Variants in PHLDB2 observed in about 807,000 individuals in gnomAD.
The protein encoded by PHLDB2 is pleckstrin homology-like domain family B member 2.
Under a neutral mutation model 123.6 loss-of-function variants are expected in PHLDB2, and 71 were observed. That is an observed-to-expected ratio of 0.57 (90% CI 0.47 to 0.70). The LOEUF is 0.70. PHLDB2 is among the 30% of genes least tolerant of loss of function. The pLI is 0.00. For synonymous variants in PHLDB2, 547 were observed against 541.6 expected (o/e 1.01, Z -0.14); for missense variants, 1,446 against 1,519.5 (o/e 0.95, Z 0.80).
rs145347675 is a variant in PHLDB2, at chr3:111,970,850, T to C, written c.3535+941T>C. Among the ~76,000 whole-genome samples, 131 of 152,340 alleles carry C rather than the reference T, an allele frequency of 8.6e-4. 1 individual carries two copies. The East Asian group carries it at 0.024, about 28-fold the overall frequency. ...TAAAATGTATCGATGCAATAAAATA[T>C]AAATAACAGTCTAGTCATTTAATCA... On this transcript the variant is annotated intron_variant, in intron 16 of 17. Coordinates refer to ENST00000431670, the MANE Select transcript of PHLDB2 (RefSeq NM_001134438.2).
intron 2 of PHLDB2, among the ~76,000 whole-genome samples, chr3:111,902,775 A>C (rs1486519864): frequency 6.6e-6 from 1 of 152,124 alleles, no homozygotes; most frequent in Non-Finnish European, 1.5e-5. Context: ...AGTAGCTGGG[A>C]CTACAGGCGT....
rs917670036 is a variant in PHLDB2 at position 111,945,207 on chromosome 3, C to T, written c.2398-61C>T. 17 of 1,104,868 alleles carry T rather than the reference C, an allele frequency of 1.5e-5. No homozygotes were observed. In the African/African-American group the frequency reaches 2.5e-4, roughly 16 times the overall value. The allele number at this position is 1,104,868 out of a possible 1,614,324, so 68.4% of individuals were successfully genotyped here. A position where few individuals can be genotyped will look rare whatever the true frequency, so the allele number is the denominator to read the frequency against. On this transcript the variant is annotated intron_variant, in intron 8 of 17. Transcript: ENST00000431670. ...ATGTTAGTCTCTAATGCAAAGTCAC[C>T]ATGCTTCTCAGTTGCATCGAAGGTT...
intron 3 of PHLDB2, chr3:111,916,841 G>C (rs2068208753): frequency 6.6e-6 from 1 of 152,032 alleles, no homozygotes; most frequent in Non-Finnish European, 1.5e-5. Flanking sequence ...TTCCTGTGTG[G>C]ATCAAGTTTC....
rs1553726801 is a variant in PHLDB2 at position 111,780,399 on chromosome 3, A to AGAAGAAGGAG, written c.-49+47703_-49+47704insGAGGAAGAAG. On this transcript the variant is annotated intron_variant, in intron 1 of 17. Coordinates refer to the PHLDB2 transcript ENST00000393923. ...AAGAAGAAGAAGAAGAAGAAGAAGAAGAAGAAGAAGAAAAAGATTAGTTCG... is the reference window on the plus strand; with the variant it reads ...AAGAAGAAGAAGAAGAAGAAGAAGAAGAAGAAGGAGGAAGAAGAAGAAAAAGATTAGTTCG... Among the ~76,000 whole-genome samples, 87 of 74,448 alleles carry AGAAGAAGGAG rather than the reference A, an allele frequency of 1.2e-3. 19 individuals carry two copies. Among genetic ancestry groups the AGAAGAAGGAG allele is most frequent in the South Asian group, 3.0e-3 (6 of 1,986 alleles). The allele number at this position is 74,448 out of a possible 152,430, so 48.8% of individuals were successfully genotyped here. A position where few individuals can be genotyped will look rare whatever the true frequency, so the allele number is the denominator to read the frequency against.
At chr3:111,768,730 T>C (rs2060124827) in intron 1 of PHLDB2, among the ~76,000 whole-genome samples, 1 of 152,176 alleles carries the variant, frequency 6.6e-6, no homozygotes, top group African/African-American at 2.4e-5. Flanking sequence ...TTTAAATGTC[T>C]TCCTGTGTAA....
rs549213055 is a variant in PHLDB2, at chr3:111,846,352, C to T, written c.67+417C>T. The stretch of plus-strand genomic sequence containing the variant: ...TCTGAGGAGGGAGGAGGCTCCAATA[C>T]GACTACTCCCAATTCACAGGGTTTG... On this transcript the variant is annotated intron_variant, in intron 2 of 17. Transcript: ENST00000393923. 100 of 166,584 alleles carry T rather than the reference C, an allele frequency of 6.0e-4. 1 individual carries two copies. The highest frequency in any genetic ancestry group is 2.1e-3 in the African/African-American group (89 of 42,296). The allele number at this position is 166,584 out of a possible 1,614,324, so 10.3% of individuals were successfully genotyped here. A position where few individuals can be genotyped will look rare whatever the true frequency, so the allele number is the denominator to read the frequency against.
At chr3:111,912,831 A>G (rs537015102) in intron 2 of PHLDB2, among the ~76,000 whole-genome samples, 1 of 152,318 alleles carries the variant, frequency 6.6e-6, no homozygotes, top group East Asian at 1.9e-4. Flanking sequence ...AAAAAAATGA[A>G]TTTGGTGCAA....
chr3:111,829,771 T>C (rs2108463775), intron 1 of PHLDB2, among the ~76,000 whole-genome samples: 1 of 152,276 alleles, frequency 6.6e-6, no homozygotes, highest in East Asian at 1.9e-4. Context: ...CAACATCTGA[T>C]ATTTCTAAGA....
upstream of PHLDB2, among the ~76,000 whole-genome samples, chr3:111,855,703 C>A (rs2064465442): frequency 7.7e-6 from 1 of 129,252 alleles, no homozygotes; most frequent in African/African-American, 3.0e-5. Flanking sequence ...ATGGTGCGAT[C>A]ATGGATCACC....
At chr3:111,766,310 G>T (rs533978200) in intron 1 of PHLDB2, among the ~76,000 whole-genome samples, 2 of 152,054 alleles carry the variant, frequency 1.3e-5, no homozygotes, top group African/African-American at 4.8e-5. Flanking sequence ...GGGCATGGTG[G>T]TATGCACCTG....
chr3:111,787,822 T>G (rs1470216417), intron 1 of PHLDB2, among the ~76,000 whole-genome samples: 1 of 152,226 alleles, frequency 6.6e-6, no homozygotes, highest in Non-Finnish European at 1.5e-5. Context: ...CCAACCTGAT[T>G]GCATGTTTCT....
At chr3:111,772,798 C>T (rs2060200934) in intron 1 of PHLDB2, among the ~76,000 whole-genome samples, 1 of 152,094 alleles carries the variant, frequency 6.6e-6, no homozygotes, top group African/African-American at 2.4e-5. Flanking sequence ...CAGGGAAAGA[C>T]ATGATTTCAT....
intron 2 of PHLDB2, among the ~76,000 whole-genome samples, chr3:111,894,449 T>G (rs896655170): frequency 5.9e-5 from 9 of 151,908 alleles, no homozygotes; most frequent in African/African-American, 2.2e-4. Flanking sequence ...CTGGGTCAAA[T>G]GGTATTTCTA....
At chr3:111,742,886 G>T (rs1673646128) in intron 1 of PHLDB2, among the ~76,000 whole-genome samples, 2 of 152,100 alleles carry the variant, frequency 1.3e-5, no homozygotes, top group African/African-American at 4.8e-5. Context: ...CCTTGCTAAG[G>T]GATATAGATT....
intron 5 of PHLDB2, among the ~76,000 whole-genome samples, chr3:111,924,504 T>G (rs1431704439): frequency 6.6e-6 from 1 of 152,240 alleles, no homozygotes; most frequent in African/African-American, 2.4e-5. Flanking sequence ...CAGCCAAGTT[T>G]CAGGACAGCT....
At chr3:111,743,826 A>G (rs2059642180) in intron 1 of PHLDB2, among the ~76,000 whole-genome samples, 1 of 152,248 alleles carries the variant, frequency 6.6e-6, no homozygotes. Flanking sequence ...AGTAGGGCTA[A>G]CAAGATGGTT....
chr3:111,867,348 C>T (rs927457785), intron 1 of PHLDB2, among the ~76,000 whole-genome samples: 7 of 151,880 alleles, frequency 4.6e-5, no homozygotes, highest in East Asian at 1.9e-4. Context: ...GCAGAATGCA[C>T]GTAGCTTTTT....
intron 1 of PHLDB2, among the ~76,000 whole-genome samples, chr3:111,808,652 C>T (rs1178713449): frequency 6.6e-6 from 1 of 152,104 alleles, no homozygotes. Context: ...ACATGTATAT[C>T]TCATGAGTCA....
rs1380337415 is a variant in PHLDB2, at chr3:111,919,224, T to C, written c.1863+9T>C. The C allele has an allele frequency of 2.9e-5, 47 of 1,613,298 alleles. No homozygotes were observed. The highest frequency in any genetic ancestry group is 3.9e-5 in the Non-Finnish European group (46 of 1,179,436). Reference sequence around the variant, plus strand: ...ATGAGTCTTTCAGAGAGGTAAACTTTTTACCCTCTTCCCTTTTTTCTTTCT... The same window carrying C: ...ATGAGTCTTTCAGAGAGGTAAACTTCTTACCCTCTTCCCTTTTTTCTTTCT... On this transcript the variant is annotated intron_variant, in intron 4 of 17. Coordinates refer to ENST00000431670, the MANE Select transcript of PHLDB2 (RefSeq NM_001134438.2).
Sources: allele counts gnomAD v4.1 joint callset (sites outside exome capture counted in the v4.1 genomes callset), GRCh38; gene constraint gnomAD v4.1.1; transcripts MANE v1.5; gene names NCBI Gene and HGNC (gene_info 2026-07-23, HGNC 2026-07-21).